The following LMO7 variants were observed in gnomAD, a reference collection of about 807,000 sequenced individuals.
LMO7 encodes LIM domain 7.
In LMO7, 120 loss-of-function variants were observed where a neutral mutation model predicts 206.5. The ratio of observed to expected loss-of-function variants is 0.58; its 90% CI spans 0.50 to 0.68. The LOEUF is 0.68. Ranked by LOEUF, LMO7 falls within the 30% of genes least tolerant of loss-of-function variation. LMO7 has a pLI of 0.00. For synonymous variants in LMO7, 706 were observed against 681.5 expected (o/e 1.04, Z -0.56); for missense variants, 1,959 against 1,957.9 (o/e 1.00, Z -0.01).
intron 1 of LMO7, among the ~76,000 whole-genome samples, chr13:75,642,464 A>AT (rs2036629062): frequency 6.9e-6 from 1 of 144,822 alleles, no homozygotes; most frequent in Non-Finnish European, 1.5e-5. Flanking sequence ...AAAAAAAAAA[A>AT]AGGTGGCACA....
chr13:75,787,361 A>G (rs1454364708), intron 4 of LMO7, among the ~76,000 whole-genome samples: 1 of 151,976 alleles, frequency 6.6e-6, no homozygotes, highest in Non-Finnish European at 1.5e-5. Context: ...CTGCAGCAGC[A>G]CTCCTCTGCT....
At chr13:75,752,325 T>C (rs1425728403) in intron 3 of LMO7, among the ~76,000 whole-genome samples, 1 of 151,998 alleles carries the variant, frequency 6.6e-6, no homozygotes, top group African/African-American at 2.4e-5. Flanking sequence ...GAGACGGGGT[T>C]TCACCATGAG....
intron 16 of LMO7, 141 bp from the exon 17 acceptor site, chr13:75,834,085 A>G: frequency 1.8e-6 from 1 of 551,644 alleles, no homozygotes; most frequent in Admixed American, 3.7e-5. Flanking sequence ...ATTTGGTATT[A>G]AAAAAAATAG....
intron 27 of LMO7, among the ~76,000 whole-genome samples, chr13:75,852,387 T>C (rs1360717784): frequency 3.9e-5 from 6 of 152,164 alleles, no homozygotes; most frequent in Admixed American, 2.0e-4. Context: ...TCTCTGGCAG[T>C]CCACATATTA....
rs139669236 is a variant in LMO7, at chr13:75,793,979, G to T, written c.318-1422G>T. Among the ~76,000 whole-genome samples the T allele has an allele frequency of 3.9e-3, 598 of 152,262 alleles. 8 individuals carry two copies. The highest frequency in any genetic ancestry group is 0.014 in the African/African-American group (570 of 41,530). On this transcript the variant is annotated intron_variant, in intron 4 of 30. Transcript: ENST00000377534. ...CATTATTTGAGAGGTTGAACTTGTG[G>T]TTGAATATAGTTGAAGGTTATTTTC...
At chr13:75,803,375 C>T (rs1280471682) in intron 7 of LMO7, among the ~76,000 whole-genome samples, 5 of 152,220 alleles carry the variant, frequency 3.3e-5, no homozygotes, top group African/African-American at 1.2e-4. Context: ...TGTGCACAGC[C>T]AGGCCTGGAG....
intron 3 of LMO7, among the ~76,000 whole-genome samples, chr13:75,731,119 G>A (rs892840066): frequency 8.6e-5 from 13 of 152,016 alleles, no homozygotes; most frequent in Non-Finnish European, 1.9e-4. Flanking sequence ...ATTTGGGGTG[G>A]AGAGTTCCGT....
At chr13:75,752,112 G>A (rs989576087) in intron 3 of LMO7, among the ~76,000 whole-genome samples, 2 of 151,986 alleles carry the variant, frequency 1.3e-5, no homozygotes, top group African/African-American at 4.8e-5. Context: ...AACAGCACTT[G>A]TTAAAGAACA....
chr13:75,838,314 A>C (rs1454608607), intron 20 of LMO7, 118 bp downstream of exon 20: 1 of 1,542,626 alleles, frequency 6.5e-7, no homozygotes, highest in East Asian at 2.4e-5. Context: ...CATTATGACC[A>C]AGCGACATAA....
intron 4 of LMO7, among the ~76,000 whole-genome samples, chr13:75,780,090 T>A (rs2051094014): frequency 6.6e-6 from 1 of 151,990 alleles, no homozygotes; most frequent in African/African-American, 2.4e-5. Context: ...ACAAGGCAAA[T>A]GGGCAGGGCA....
rs181957013 is a variant in LMO7 at position 75,678,040 on chromosome 13, C to G, written c.70-35142C>G. Among the ~76,000 whole-genome samples the G allele has an allele frequency of 4.7e-3, 711 of 152,184 alleles. 7 individuals carry two copies. The highest frequency in any genetic ancestry group is 0.016 in the African/African-American group (665 of 41,494). On this transcript the variant is annotated intron_variant, in intron 1 of 30. Coordinates refer to ENST00000377534, the MANE Select transcript of LMO7 (RefSeq NM_001306080.2). ...GCCACATTTTCTTAATCCAGTCTAT[C>G]ATTGTTGGACATTTGGCTTGGTTCC...
intron 15 of LMO7, among the ~76,000 whole-genome samples, chr13:75,825,280 A>G (rs991967322): frequency 2.0e-5 from 3 of 152,204 alleles, no homozygotes; most frequent in Admixed American, 6.5e-5. Flanking sequence ...TAATAAAAGC[A>G]GAAGCGAAGT....
intron 9 of LMO7, chr13:75,806,510 T>A (rs1386411895): frequency 6.6e-6 from 1 of 152,344 alleles, no homozygotes; most frequent in Non-Finnish European, 1.5e-5. Flanking sequence ...TATTTACATG[T>A]GGCAGTTCTT....
intron 8 of LMO7, 88 bp from the exon 9 acceptor site, chr13:75,805,391 T>A: frequency 7.2e-7 from 1 of 1,396,522 alleles, no homozygotes; most frequent in Non-Finnish European, 9.9e-7. Context: ...CACAGTGGTG[T>A]AAACTTTGTG....
At chr13:75,855,616 A>C (rs1374936582) in intron 29 of LMO7, among the ~76,000 whole-genome samples, 1 of 152,236 alleles carries the variant, frequency 6.6e-6, no homozygotes, top group Non-Finnish European at 1.5e-5. Flanking sequence ...ATACATTTAC[A>C]GTACATAAGT....
intron 14 of LMO7, among the ~76,000 whole-genome samples, chr13:75,821,845 G>A (rs1441539282): frequency 6.6e-6 from 1 of 152,150 alleles, no homozygotes; most frequent in East Asian, 1.9e-4. Context: ...TTTAAAGAAT[G>A]AATAAGATAT....
At chr13:75,831,222 T>C (rs2058639993) in intron 15 of LMO7, among the ~76,000 whole-genome samples, 2 of 152,226 alleles carry the variant, frequency 1.3e-5, no homozygotes, top group Admixed American at 1.3e-4. Context: ...AAGGGCTTTC[T>C]GCTGAAAGCT....
At chr13:75,654,565 T>C (rs562856602) in intron 1 of LMO7, among the ~76,000 whole-genome samples, 1 of 152,140 alleles carries the variant, frequency 6.6e-6, no homozygotes, top group South Asian at 2.1e-4. Context: ...GGCTGTGGCG[T>C]GTGGGGGGTT....
chr13:75,766,924 A>G (rs1309876970), intron 4 of LMO7, among the ~76,000 whole-genome samples: 1 of 152,144 alleles, frequency 6.6e-6, no homozygotes, highest in African/African-American at 2.4e-5. Context: ...AATCTTTGCC[A>G]ACTCATCCTC....
Sources: allele counts gnomAD v4.1 joint callset (sites outside exome capture counted in the v4.1 genomes callset), GRCh38; gene constraint gnomAD v4.1.1; transcripts MANE v1.5; gene names NCBI Gene and HGNC (gene_info 2026-07-23, HGNC 2026-07-21).